The following PROM1 variants were observed in gnomAD, a reference collection of about 807,000 sequenced individuals.
The protein encoded by PROM1 is prominin 1.
PROM1 carries 105 observed loss-of-function variants against 116.9 expected under a neutral mutation model. That is an observed-to-expected ratio of 0.90 (90% CI 0.77 to 1.06). The LOEUF is 1.06. PROM1 is among the 50% of genes least tolerant of loss of function. The probability of loss-of-function intolerance (pLI) is 0.00; values close to 1 mark genes in which losing one functional copy is unlikely to be tolerated. For synonymous variants in PROM1, 393 were observed against 387.0 expected (o/e 1.02, Z -0.18); for missense variants, 1,122 against 1,045.2 (o/e 1.07, Z -1.01).
intron 2 of PROM1, among the ~76,000 whole-genome samples, chr4:16,048,669 G>A (rs1312040747): frequency 6.6e-6 from 1 of 151,982 alleles, no homozygotes; most frequent in Non-Finnish European, 1.5e-5. Context: ...GCTTCTCCCT[G>A]CAGGACTGAC....
intron 2 of PROM1, among the ~76,000 whole-genome samples, chr4:16,041,763 TAAATAAATAA>T (rs1157063069): frequency 1.5e-4 from 9 of 59,804 alleles, no homozygotes; most frequent in Non-Finnish European, 2.4e-4. Context: ...AATAAATAAA[TAAATAAATAA>T]ATAAATAAAT....
chr4:16,016,046 CT>C, intron 10 of PROM1, 119 bp downstream of exon 10: 1 of 892,596 alleles, frequency 1.1e-6, no homozygotes. Flanking sequence ...AGCTATCACC[CT>C]TCTTGGCAAC....
chr4:16,075,319 G>A (rs764721467), intron 2 of PROM1, among the ~76,000 whole-genome samples: 6 of 152,286 alleles, frequency 3.9e-5, no homozygotes, highest in African/African-American at 4.8e-5. Flanking sequence ...CTAGTTATTC[G>A]TTTCTCCTTT....
intron 2 of PROM1, among the ~76,000 whole-genome samples, chr4:16,073,161 C>T (rs976576993): frequency 3.3e-5 from 5 of 152,048 alleles, no homozygotes; most frequent in Admixed American, 1.3e-4. Context: ...CCAGCAGGCA[C>T]GAAGAGCCCA....
chr4:16,037,873 T>C (rs1281238861), intron 3 of PROM1: 7 of 152,228 alleles, frequency 4.6e-5, no homozygotes, highest in African/African-American at 1.7e-4. Context: ...GCAACTTGGG[T>C]AATAAGCAGA....
intron 26 of PROM1, among the ~76,000 whole-genome samples, chr4:15,973,849 G>A (rs182153435): frequency 4.3e-4 from 65 of 152,224 alleles, no homozygotes; most frequent in Non-Finnish European, 7.5e-4. Context: ...TGGCCTACAC[G>A]TCCCTGAGTC....
At chr4:16,081,937 G>T (rs1274370562) in intron 1 of PROM1, among the ~76,000 whole-genome samples, 1 of 151,658 alleles carries the variant, frequency 6.6e-6, no homozygotes, top group Non-Finnish European at 1.5e-5. Flanking sequence ...ATAAACTAAA[G>T]GGCACTGCTG....
chr4:16,021,192 A>T (rs1729772289), intron 8 of PROM1, among the ~76,000 whole-genome samples: 1 of 38,590 alleles, frequency 2.6e-5, no homozygotes, highest in Non-Finnish European at 6.9e-5. Context: ...TTCCAGCTGA[A>T]TTAAAAAAAC....
In PROM1 at chr4:16,033,289, C is replaced by T. The variant is rs1351046255; in HGVS notation, c.509+15G>A. On this transcript the variant is annotated intron_variant, in intron 5 of 27. Transcript: ENST00000447510. ...GCCTAAAACACAATCAGTTGTTGTC[C>T]AATATTGTACTTGCCTTATTATTAT... The T allele has an allele frequency of 6.3e-7, 1 of 1,590,998 alleles. No individual in the cohort carries two copies. The highest frequency in any genetic ancestry group is 8.6e-7 in the Non-Finnish European group (1 of 1,163,476).
intron 2 of PROM1, among the ~76,000 whole-genome samples, chr4:16,069,107 T>C (rs560465762): frequency 6.6e-6 from 1 of 152,240 alleles, no homozygotes; most frequent in African/African-American, 2.4e-5. Context: ...TGGTGGCGCA[T>C]GACTGTTATC....
chr4:16,070,427 G>C (rs780114044), intron 2 of PROM1, among the ~76,000 whole-genome samples: 39 of 152,228 alleles, frequency 2.6e-4, no homozygotes, highest in Non-Finnish European at 4.3e-4. Flanking sequence ...GTTTTCAAGA[G>C]TTTAAAAAAA....
rs766357803 is a variant in PROM1 at position 15,980,450 on chromosome 4, G to A, written c.2461C>T (p.Arg821Ter). ...FAVKLAKYYR[R>*]MDSEDVYDDV... is the part of the protein sequence containing the mutation. ...TCGTACACGTCCTCCGAATCCATTC[G>A]ACGATAGTACTTAGCCAGTTTTACC... Residue 821 changes from arginine (R) to a stop codon, truncating the protein, a stop_gained, in exon 24 of 28, where the codon CGA becomes TGA. Transcript: ENST00000447510. LOFTEE classifies it high-confidence loss of function. 6 of 1,553,556 alleles carry A rather than the reference G, an allele frequency of 3.9e-6. No homozygotes were observed. The highest frequency in any genetic ancestry group is 4.4e-6 in the Non-Finnish European group (5 of 1,147,296).
intron 2 of PROM1, among the ~76,000 whole-genome samples, chr4:16,048,785 C>T (rs1278553850): frequency 6.6e-6 from 1 of 152,172 alleles, no homozygotes; most frequent in Non-Finnish European, 1.5e-5. Context: ...AACATCTGGA[C>T]CAGTCTGGCC....
At chr4:15,981,696 C>G (rs183666197) in intron 23 of PROM1, among the ~76,000 whole-genome samples, 20 of 152,278 alleles carry the variant, frequency 1.3e-4, no homozygotes, top group African/African-American at 4.3e-4. Flanking sequence ...AAACAATGTT[C>G]ACTGCATGCT....
At chr4:15,999,470 T>TAAA (rs55902645) in intron 14 of PROM1, among the ~76,000 whole-genome samples, 5 of 141,570 alleles carry the variant, frequency 3.5e-5, no homozygotes, top group Non-Finnish European at 6.2e-5. Flanking sequence ...GACTCCGTCT[T>TAAA]AAAAAAAAAA....
chr4:16,006,334 G>A (rs1217835320), intron 13 of PROM1, among the ~76,000 whole-genome samples: 3 of 152,162 alleles, frequency 2.0e-5, no homozygotes, highest in Non-Finnish European at 4.4e-5. Context: ...GTTGTTGTTT[G>A]TTTGTTTTTA....
At chr4:16,033,081 A>G (rs1733116541) in intron 5 of PROM1, among the ~76,000 whole-genome samples, 1 of 150,100 alleles carries the variant, frequency 6.7e-6, no homozygotes, top group African/African-American at 2.4e-5. Context: ...CTGGCTCATC[A>G]GCTCAGCTGG....
At chr4:15,970,192 G>A (rs1714092757) in intron 27 of PROM1, among the ~76,000 whole-genome samples, 1 of 147,312 alleles carries the variant, frequency 6.8e-6, no homozygotes. Context: ...TTGTGATGGA[G>A]TCTCACTCTG....
At chr4:15,980,213 A>G in intron 24 of PROM1, 1 of 648,672 alleles carries the variant, frequency 1.5e-6, no homozygotes, top group South Asian at 1.7e-5. Context: ...GAGAGGATTA[A>G]GCAAGAGGAA....
Sources: allele counts gnomAD v4.1 joint callset (sites outside exome capture counted in the v4.1 genomes callset), GRCh38; gene constraint gnomAD v4.1.1; transcripts MANE v1.5; gene names NCBI Gene and HGNC (gene_info 2026-07-23, HGNC 2026-07-21).